The following GSAP variants were observed in gnomAD, a reference collection of about 807,000 sequenced individuals.
GSAP encodes gamma-secretase-activating protein.
Under a neutral mutation model 131.7 loss-of-function variants are expected in GSAP, and 118 were observed. The observed-to-expected ratio is 0.90, with a 90% CI of 0.77 to 1.04. The LOEUF is 1.04. GSAP is among the 50% of genes least tolerant of loss of function. The probability of loss-of-function intolerance (pLI) is 0.00; values close to 1 mark genes in which losing one functional copy is unlikely to be tolerated. For missense variants in GSAP, 1,019 were observed against 1,013.2 expected (o/e 1.01, Z -0.08); for synonymous variants, 381 against 363.4 (o/e 1.05, Z -0.55).
At position 77,311,785 on chromosome 7, in the gene GSAP, G is replaced by A. The variant is rs73141922; in HGVS notation, c.2473+56C>T. 3,442 of 839,920 alleles carry A rather than the reference G, an allele frequency of 4.1e-3. 10 individuals are homozygous for A. The highest frequency in any genetic ancestry group is 5.6e-3 in the Non-Finnish European group (2,699 of 480,222). 52.0% of individuals were successfully genotyped at this position (839,920 alleles called of 1,614,324 possible). ...AGAAGACAAAGAAGTGAATAGGGAA[G>A]GACTGATGTGTCAAGGGAAAAGTGG... On this transcript the variant is annotated intron_variant, in intron 30 of 30. Transcript: ENST00000257626.
intron 6 of GSAP, among the ~76,000 whole-genome samples, chr7:77,386,364 T>C (rs899135875): frequency 2.0e-5 from 3 of 152,196 alleles, no homozygotes; most frequent in Non-Finnish European, 2.9e-5. Flanking sequence ...GACTGTAGAC[T>C]TTTGACCTTT....
chr7:77,400,725 G>C (rs1308802438), intron 3 of GSAP, among the ~76,000 whole-genome samples: 1 of 152,070 alleles, frequency 6.6e-6, no homozygotes, highest in Non-Finnish European at 1.5e-5. Flanking sequence ...CCAAAAACCA[G>C]GAAGATCTCA....
At chr7:77,314,810 C>G (rs17151592) in intron 26 of GSAP, 11,762 of 205,594 alleles carry the variant, frequency 0.057, 464 homozygotes, top group South Asian at 0.13. Flanking sequence ...CAAAAGAGTA[C>G]AGAAGCATTT....
rs1459679196 is a variant in GSAP at position 77,389,527 on chromosome 7, C to T, written c.368-2079G>A. Among the ~76,000 whole-genome samples the T allele has an allele frequency of 5.6e-4, 83 of 148,064 alleles. 1 individual carries two copies. The highest frequency in any genetic ancestry group is 3.4e-4 in the Non-Finnish European group (23 of 67,250). ...CGATTCCCACCTATGAGTGAGAACA[C>T]GCGGTGTTTGGTTTTTTGTCCTTGG... On this transcript the variant is annotated intron_variant, in intron 5 of 30. Transcript: ENST00000257626.
chr7:77,390,233 T>C (rs1269151466), intron 5 of GSAP, among the ~76,000 whole-genome samples: 1 of 152,156 alleles, frequency 6.6e-6, no homozygotes, highest in Non-Finnish European at 1.5e-5. Flanking sequence ...ATTCTGTAGG[T>C]TGCCTGTTCA....
At chr7:77,318,282 G>A (rs1787139869) in intron 26 of GSAP, among the ~76,000 whole-genome samples, 1 of 152,002 alleles carries the variant, frequency 6.6e-6, no homozygotes, top group East Asian at 1.9e-4. Context: ...CATTTTTGTT[G>A]GCCAAAAAAT....
At chr7:77,357,904 A>G (rs1369081415) in intron 14 of GSAP, among the ~76,000 whole-genome samples, 1 of 152,232 alleles carries the variant, frequency 6.6e-6, no homozygotes, top group Non-Finnish European at 1.5e-5. Flanking sequence ...ATAATTTGTT[A>G]CAGCAACAAT....
At chr7:77,312,225 T>A in intron 28 of GSAP, 23 bp from the exon 29 acceptor site, 4 of 1,139,536 alleles carry the variant, frequency 3.5e-6, no homozygotes, top group Non-Finnish European at 5.0e-6. Context: ...TTGAAAAAAA[T>A]GTAGCGAATA....
intron 19 of GSAP, among the ~76,000 whole-genome samples, chr7:77,335,998 G>A (rs1789920617): frequency 6.6e-6 from 1 of 152,174 alleles, no homozygotes; most frequent in Non-Finnish European, 1.5e-5. Context: ...CTCTAAACAG[G>A]AACACTCATA....
At chr7:77,381,161 C>T in intron 8 of GSAP, 144 bp downstream of exon 8, 1 of 450,746 alleles carries the variant, frequency 2.2e-6, no homozygotes. Context: ...TCATTTCACA[C>T]ATTAAAACAG....
intron 19 of GSAP, chr7:77,330,696 C>A: frequency 1.0e-6 from 1 of 996,858 alleles, no homozygotes; most frequent in Non-Finnish European, 1.2e-6. Context: ...ATTAAACACA[C>A]TGAGTCATTT....
chr7:77,355,958 A>G (rs932849180), intron 14 of GSAP, among the ~76,000 whole-genome samples: 3 of 151,500 alleles, frequency 2.0e-5, no homozygotes, highest in Non-Finnish European at 2.9e-5. Flanking sequence ...CACCCCACTA[A>G]TATTTTCTAT....
At chr7:77,391,669 GA>G (rs1344585805) in intron 5 of GSAP, among the ~76,000 whole-genome samples, 1 of 151,574 alleles carries the variant, frequency 6.6e-6, no homozygotes, top group Admixed American at 6.6e-5. Context: ...ACAAAAAAAT[GA>G]AAAAAATATT....
intron 17 of GSAP, among the ~76,000 whole-genome samples, chr7:77,353,320 A>C (rs993280252): frequency 6.6e-6 from 1 of 152,174 alleles, no homozygotes; most frequent in Non-Finnish European, 1.5e-5. Flanking sequence ...GGAAAAAAAA[A>C]TCACTAATAA....
chr7:77,365,908 T>TG (rs1351692491), intron 12 of GSAP, among the ~76,000 whole-genome samples: 3 of 149,388 alleles, frequency 2.0e-5, no homozygotes, highest in South Asian at 2.2e-4. Flanking sequence ...GTTTTTTTTT[T>TG]TTTTTTTTTT....
At chr7:77,382,109 C>T (rs1399866899) in intron 7 of GSAP, among the ~76,000 whole-genome samples, 2 of 151,066 alleles carry the variant, frequency 1.3e-5, no homozygotes, top group Non-Finnish European at 2.9e-5. Flanking sequence ...CCTTTTATGT[C>T]CTAAACTTAT....
Position 77,349,366 on chromosome 7 carries a change from T to G in GSAP, c.1530A>C (p.Ala510=). Residue 510 remains alanine, a synonymous_variant, in exon 19 of 31, where the codon GCA becomes GCC. Transcript: ENST00000257626. Reference sequence around the variant, plus strand: ...AGGGACCTACCTTCATAAGAGGCAATGCAATGTCTTCTGTCACAAGAGTTA... The same window carrying G: ...AGGGACCTACCTTCATAAGAGGCAAGGCAATGTCTTCTGTCACAAGAGTTA... ...PGITLVTEDI[A]LPLMKVLSFK... 2 of 1,612,298 alleles carry G rather than the reference T, an allele frequency of 1.2e-6. No homozygotes were observed. The highest frequency in any genetic ancestry group is 4.5e-5 in the East Asian group (2 of 44,866).
intron 26 of GSAP, chr7:77,315,867 G>A (rs1030931081): frequency 6.6e-6 from 1 of 152,202 alleles, no homozygotes; most frequent in African/African-American, 2.4e-5. Flanking sequence ...GGGGCTAAGA[G>A]TATAAAAATG....
chr7:77,406,707 C>T (rs943181971), intron 1 of GSAP, among the ~76,000 whole-genome samples: 4 of 152,172 alleles, frequency 2.6e-5, no homozygotes, highest in African/African-American at 9.7e-5. Context: ...GGAATGGTGC[C>T]ATTAGCCAAG....
Sources: gnomAD v4.1 joint callset for allele counts (sites outside exome capture counted in the v4.1 genomes callset) on GRCh38, gnomAD v4.1.1 for gene constraint, MANE v1.5 for transcripts, NCBI Gene and HGNC (gene_info 2026-07-23, HGNC 2026-07-21) for gene names.